ZNF277: variants seen among roughly 807,000 people sequenced by gnomAD.
ZNF277 encodes nuclear receptor-interacting factor 4.
A neutral mutation model predicts 60.7 loss-of-function variants in ZNF277; 55 were observed. That is an observed-to-expected ratio of 0.91 (90% CI 0.73 to 1.13). ZNF277 has a LOEUF of 1.13. Ranked by LOEUF, ZNF277 falls within the 50% of genes most tolerant of loss-of-function variation. The pLI is 0.00. For missense variants in ZNF277, 510 were observed against 523.0 expected (o/e 0.98, Z 0.24); for synonymous variants, 178 against 179.3 (o/e 0.99, Z 0.06).
intron 2 of ZNF277, among the ~76,000 whole-genome samples, chr7:112,294,779 T>G (rs1479497387): frequency 6.6e-6 from 1 of 152,106 alleles, no homozygotes; most frequent in South Asian, 2.1e-4. Flanking sequence ...TATTGGAAAA[T>G]TAATGTTAAG....
intron 1 of ZNF277, among the ~76,000 whole-genome samples, chr7:112,270,382 G>A (rs184436443): frequency 4.7e-4 from 72 of 152,186 alleles, no homozygotes; most frequent in African/African-American, 1.7e-3. Flanking sequence ...TCTTGAAAAT[G>A]TCCCTATTTG....
chr7:112,224,902 G>A (rs1318953168), intron 1 of ZNF277, among the ~76,000 whole-genome samples: 2 of 152,122 alleles, frequency 1.3e-5, no homozygotes, highest in Non-Finnish European at 2.9e-5. Context: ...CAGTATTTTG[G>A]GAGGCCAAGG....
Position 112,296,927 on chromosome 7 carries a change from T to TA in ZNF277, c.465+616_465+617insA, listed in dbSNP as rs1563219782. On this transcript the variant is annotated intron_variant, in intron 4 of 11. Transcript: ENST00000361822. The stretch of plus-strand genomic sequence containing the variant: ...TTATTTATTTATTTTTTTTTTTTTT[T>TA]TTTTTTTTTTTTTTTTTTGAGATGG... Among the ~76,000 whole-genome samples the TA allele has an allele frequency of 3.1e-3, 255 of 82,950 alleles. 3 individuals are homozygous for TA. Among genetic ancestry groups the TA allele is most frequent in the African/African-American group, 7.7e-3 (197 of 25,486 alleles). The allele number at this position is 82,950 out of a possible 152,430, so 54.4% of individuals were successfully genotyped here.
chr7:112,277,228 C>T (rs1265699551), intron 1 of ZNF277, among the ~76,000 whole-genome samples: 2 of 151,884 alleles, frequency 1.3e-5, no homozygotes, highest in South Asian at 2.1e-4. Context: ...GGACTACAGG[C>T]GCGTGCCACC....
intron 1 of ZNF277, among the ~76,000 whole-genome samples, chr7:112,254,020 C>G (rs1433665473): frequency 6.6e-6 from 1 of 152,186 alleles, no homozygotes; most frequent in Non-Finnish European, 1.5e-5. Flanking sequence ...ATCTTAAGCT[C>G]TCCCACAGAG....
At chr7:112,212,211 G>A (rs1335643740) in intron 1 of ZNF277, among the ~76,000 whole-genome samples, 1 of 152,102 alleles carries the variant, frequency 6.6e-6, no homozygotes, top group Non-Finnish European at 1.5e-5. Context: ...ATAACTTTAA[G>A]CCTGTAACTG....
intron 1 of ZNF277, among the ~76,000 whole-genome samples, chr7:112,243,105 C>A (rs1412817483): frequency 6.6e-6 from 1 of 151,840 alleles, no homozygotes; most frequent in African/African-American, 2.4e-5. Context: ...GGTAACAATG[C>A]TGGGAAAATT....
intron 1 of ZNF277, among the ~76,000 whole-genome samples, chr7:112,258,633 G>A (rs889764908): frequency 6.6e-6 from 1 of 152,044 alleles, no homozygotes. Flanking sequence ...ATGTGTTGAT[G>A]TTAATTTTAA....
intron 1 of ZNF277, among the ~76,000 whole-genome samples, chr7:112,215,266 A>T (rs1413058549): frequency 6.6e-6 from 1 of 152,238 alleles, no homozygotes; most frequent in Non-Finnish European, 1.5e-5. Flanking sequence ...CTTTAAAATG[A>T]TTACAAACTA....
intron 2 of ZNF277, among the ~76,000 whole-genome samples, chr7:112,294,000 T>C (rs2117073041): frequency 6.6e-6 from 1 of 152,326 alleles, no homozygotes; most frequent in African/African-American, 2.4e-5. Flanking sequence ...AAAATAGATG[T>C]CTATATTTCA....
intron 10 of ZNF277, 78 bp downstream of exon 10, chr7:112,339,963 T>C (rs1352763887): frequency 7.4e-7 from 1 of 1,351,656 alleles, no homozygotes; most frequent in Non-Finnish European, 1.0e-6. Flanking sequence ...CTATGTTCAG[T>C]AGCTATGATT....
At chr7:112,248,334 T>A (rs1791128816) in intron 1 of ZNF277, among the ~76,000 whole-genome samples, 1 of 151,824 alleles carries the variant, frequency 6.6e-6, no homozygotes, top group South Asian at 2.1e-4. Flanking sequence ...GTTCTTATAT[T>A]TGGTTGGTTT....
intron 4 of ZNF277, among the ~76,000 whole-genome samples, chr7:112,301,361 T>G (rs532998565): frequency 3.7e-4 from 56 of 152,286 alleles, no homozygotes; most frequent in South Asian, 8.3e-4. Flanking sequence ...CTTAAGGTTT[T>G]CTAGTCTCAA....
intron 1 of ZNF277, among the ~76,000 whole-genome samples, chr7:112,223,833 C>T (rs1014022637): frequency 8.5e-5 from 13 of 152,312 alleles, no homozygotes; most frequent in Admixed American, 3.9e-4. Flanking sequence ...GGAAGGCTTT[C>T]AGAAGCAATT....
At chr7:112,281,283 TA>T (rs1439010516) in intron 1 of ZNF277, among the ~76,000 whole-genome samples, 1 of 152,160 alleles carries the variant, frequency 6.6e-6, no homozygotes, top group African/African-American at 2.4e-5. Context: ...CAGTATTTTT[TA>T]AAAAGCTCTC....
intron 1 of ZNF277, among the ~76,000 whole-genome samples, chr7:112,233,702 T>A (rs7795336): frequency 0.15 from 22,775 of 152,208 alleles, 1,749 homozygotes; most frequent in African/African-American, 0.16. Context: ...TTATATTTTG[T>A]TGAACAGTTT....
intron 2 of ZNF277, among the ~76,000 whole-genome samples, chr7:112,290,304 G>A (rs954873665): frequency 5.7e-4 from 87 of 152,172 alleles, no homozygotes; most frequent in African/African-American, 2.1e-3. Context: ...TTGTGCTTAT[G>A]TGTCATAGTT....
rs145601370 is a variant in ZNF277, at chr7:112,291,764, C to G, written c.294-4105C>G. Reference sequence around the variant, plus strand: ...ACCTCTTAATTATAAGCTTAAAAACCACTATTATGTGTTTAATAACTAGGA... The same window carrying G: ...ACCTCTTAATTATAAGCTTAAAAACGACTATTATGTGTTTAATAACTAGGA... On this transcript the variant is annotated intron_variant, in intron 2 of 11. Transcript: ENST00000361822. Among the ~76,000 whole-genome samples the G allele has an allele frequency of 2.7e-4, 41 of 152,180 alleles. 1 individual carries two copies. The East Asian group carries it at 7.3e-3, about 27-fold the overall frequency.
intron 5 of ZNF277, among the ~76,000 whole-genome samples, chr7:112,320,235 C>T (rs1337901264): frequency 1.3e-5 from 2 of 152,212 alleles, no homozygotes; most frequent in East Asian, 3.9e-4. Context: ...AACTTATCTG[C>T]ATTCTGTATT....
Sources: allele counts gnomAD v4.1 joint callset (sites outside exome capture counted in the v4.1 genomes callset), GRCh38; gene constraint gnomAD v4.1.1; transcripts MANE v1.5; gene names NCBI Gene and HGNC (gene_info 2026-07-23, HGNC 2026-07-21).